The following PSME4 variants were observed in gnomAD, a reference collection of about 807,000 sequenced individuals.
PSME4 encodes the protein proteasome activator subunit 4, also known as proteasome activator complex subunit 4.
In PSME4, 89 loss-of-function variants were observed where a neutral mutation model predicts 253.9. That is an observed-to-expected ratio of 0.35 (90% CI 0.30 to 0.42). PSME4 has a LOEUF of 0.42. Among genes scored for constraint, PSME4 ranks in the 10% least tolerant of loss-of-function variants. The pLI is 1.00. For missense variants in PSME4, 2,014 were observed against 2,195.2 expected, an observed-to-expected ratio of 0.92 and a Z score of 1.65; for synonymous variants, 851 against 759.2, an observed-to-expected ratio of 1.12 and a Z score of -1.99.
At chr2:53,904,756 A>G (rs372827201) in intron 26 of PSME4, among the ~76,000 whole-genome samples, 232 of 152,200 alleles carry the variant, frequency 1.5e-3, no homozygotes, top group African/African-American at 4.7e-3. Context: ...TGGGAGGCTG[A>G]GGTGGGTGGA....
In PSME4 at chr2:53,937,526, T is replaced by C; in HGVS notation, c.560A>G (p.Asp187Gly). 6.2e-7 allele frequency: 1 copy of C among 1,609,632 alleles called. No homozygotes were observed. The highest frequency in any genetic ancestry group is 8.5e-7 in the Non-Finnish European group (1 of 1,178,914). Reference protein sequence around the residue: ...VKSCRPYFPADATAEMLEEWR... With the variant: ...VKSCRPYFPAGATAEMLEEWR... ...TTCTTCTAGCATCTCAGCGGTGGCA[T>C]CTGCTGGAAAATATCTAATAAAAAA... Residue 187 changes from aspartate to glycine, a missense_variant, in exon 5 of 47, where the codon GAT becomes GGT. Asp to Gly is a moderately conservative substitution (Grantham distance 94). Transcript: ENST00000404125.
chr2:53,946,989 T>C (rs1163967299), intron 3 of PSME4, among the ~76,000 whole-genome samples: 1 of 152,190 alleles, frequency 6.6e-6, no homozygotes, highest in African/African-American at 2.4e-5. Flanking sequence ...AAAAGCATAC[T>C]TGCACAATGC....
At chr2:53,966,713 T>G (rs1379944155) in intron 1 of PSME4, among the ~76,000 whole-genome samples, 1 of 152,048 alleles carries the variant, frequency 6.6e-6, no homozygotes, top group Non-Finnish European at 1.5e-5. Flanking sequence ...GTTTTTTTCT[T>G]TGTTGTTGTT....
rs190380018 is a variant in PSME4 at position 53,939,889 on chromosome 2, C to A, written c.545+67G>T. The A allele has an allele frequency of 1.0e-5, 14 of 1,353,480 alleles. No homozygotes were observed. In the African/African-American group the frequency reaches 1.3e-4, roughly 13 times the overall value. 83.8% of individuals were successfully genotyped at this position (1,353,480 alleles called of 1,614,324 possible). Reference sequence around the variant, plus strand: ...TTATACTTTTCATTTCCTTTTCAAACCATACTAAAGATGTGGAAAAGCCCA... The same window carrying A: ...TTATACTTTTCATTTCCTTTTCAAAACATACTAAAGATGTGGAAAAGCCCA... On this transcript the variant is annotated intron_variant, in intron 4 of 46. Coordinates refer to ENST00000404125, the MANE Select transcript of PSME4 (RefSeq NM_014614.3).
At chr2:53,902,850 C>A (rs1680475173) in intron 27 of PSME4, among the ~76,000 whole-genome samples, 1 of 152,174 alleles carries the variant, frequency 6.6e-6, no homozygotes, top group South Asian at 2.1e-4. Context: ...TTTACTTTTA[C>A]AAAAGCAAGC....
rs115072161 is a variant in PSME4, at chr2:53,876,430, C to T, written c.4816-675G>A. 6.7e-3 allele frequency among the ~76,000 whole-genome samples: 1,015 copies of T among 152,204 alleles called. 13 individuals are homozygous for T. Among genetic ancestry groups the T allele is most frequent in the African/African-American group, 0.024 (977 of 41,530 alleles). On this transcript the variant is annotated intron_variant, in intron 41 of 46. Transcript: ENST00000404125. The stretch of plus-strand genomic sequence containing the variant: ...TAAATTGGCTATTAGATGTAAAGGT[C>T]TGACTTTATTGAAGTTTCACTTTTT...
chr2:53,866,847 A>G lies in PSME4; in HGVS notation c.5297T>C (p.Leu1766Pro). The change falls in exon 45 of 47, where the codon CTT becomes CCT. Residue 1766 changes from leucine (L) to proline (P), a missense_variant. Coordinates refer to ENST00000404125, the MANE Select transcript of PSME4 (RefSeq NM_014614.3). ...AGGACTAGAAAGAACACATGCACCA[A>G]GTCCTAGCACCCCAGCATGGCGTTT... ...LVKRHAGVLG[L>P]GACVLSSPYD... 6.2e-7 allele frequency: 1 copy of G among 1,614,176 alleles called. No homozygotes were observed. The highest frequency in any genetic ancestry group is 8.5e-7 in the Non-Finnish European group (1 of 1,180,012).
At chr2:53,958,316 G>T (rs1302089960) in intron 1 of PSME4, among the ~76,000 whole-genome samples, 2 of 151,388 alleles carry the variant, frequency 1.3e-5, no homozygotes, top group African/African-American at 2.4e-5. Flanking sequence ...AGATAGCACC[G>T]CTACACTCCA....
At chr2:53,905,885 C>T (rs994434116) in intron 26 of PSME4, among the ~76,000 whole-genome samples, 5 of 152,044 alleles carry the variant, frequency 3.3e-5, no homozygotes, top group African/African-American at 1.2e-4. Flanking sequence ...ATTTTTTTCA[C>T]ATTTTGAAAC....
Position 53,866,833 on chromosome 2 carries a change from G to T in PSME4, c.5311C>A (p.Leu1771Ile). 2 of 1,614,048 alleles carry T rather than the reference G, an allele frequency of 1.2e-6. No individual in the cohort carries two copies. The highest frequency in any genetic ancestry group is 1.7e-6 in the Non-Finnish European group (2 of 1,179,936). The change falls in exon 45 of 47, where the codon CTT becomes ATT. Residue 1771 changes from leucine to isoleucine, a missense_variant. By Grantham distance (5) the Leu-to-Ile change is conservative. Transcript: ENST00000404125. ...AGVLGLGACV[L>I]SSPYDVPTWM... Reference sequence around the variant, plus strand: ...GTGGGAACATCGTAAGGACTAGAAAGAACACATGCACCAAGTCCTAGCACC... The same window carrying T: ...GTGGGAACATCGTAAGGACTAGAAATAACACATGCACCAAGTCCTAGCACC...
At chr2:53,894,473 T>C (rs554587795) in intron 34 of PSME4, among the ~76,000 whole-genome samples, 1 of 149,600 alleles carries the variant, frequency 6.7e-6, no homozygotes, top group Non-Finnish European at 1.5e-5. Flanking sequence ...GGTTTTGCCA[T>C]GTTGCTCAGG....
At chr2:53,907,476 T>C (rs767337076) in intron 24 of PSME4, among the ~76,000 whole-genome samples, 17 of 152,178 alleles carry the variant, frequency 1.1e-4, no homozygotes, top group Non-Finnish European at 2.2e-4. Flanking sequence ...GGCTGTGTTT[T>C]TCACCTGGAG....
chr2:53,919,384 C>A, intron 19 of PSME4, 138 bp from the exon 20 acceptor site: 1 of 1,183,822 alleles, frequency 8.4e-7, no homozygotes, highest in South Asian at 2.0e-5. Flanking sequence ...AGTTTACCAA[C>A]TTAACAGTGA....
intron 1 of PSME4, among the ~76,000 whole-genome samples, chr2:53,964,572 T>A (rs1670630988): frequency 6.6e-6 from 1 of 152,242 alleles, no homozygotes; most frequent in Non-Finnish European, 1.5e-5. Flanking sequence ...CTTGTCAAGA[T>A]TTCAAGATTC....
At chr2:53,957,865 T>C (rs893565071) in intron 1 of PSME4, among the ~76,000 whole-genome samples, 2 of 152,290 alleles carry the variant, frequency 1.3e-5, no homozygotes, top group Admixed American at 1.3e-4. Context: ...CAAAATATTG[T>C]GTGAGACAAA....
intron 10 of PSME4, among the ~76,000 whole-genome samples, chr2:53,931,170 CAGGAGG>C (rs1053336938): frequency 6.6e-6 from 1 of 152,112 alleles, no homozygotes; most frequent in Non-Finnish European, 1.5e-5. Flanking sequence ...CCCACCTACT[CAGGAGG>C]CTGAGGCAGG....
At position 53,866,871 on chromosome 2, in the gene PSME4, T is replaced by C. The variant is rs765315947; in HGVS notation, c.5273A>G (p.Lys1758Arg). The C allele has an allele frequency of 1.9e-5, 31 of 1,613,742 alleles. No individual in the cohort carries two copies. The highest frequency in any genetic ancestry group is 2.6e-5 in the Non-Finnish European group (31 of 1,179,914). Residue 1758 changes from lysine to arginine, a missense_variant, in exon 45 of 47, where the codon AAA becomes AGA. Transcript: ENST00000404125. ...AAGTCCTAGCACCCCAGCATGGCGTTTGACCAACTCTGCAAAGAGAATAGC... is the reference window on the plus strand; with the variant it reads ...AAGTCCTAGCACCCCAGCATGGCGTCTGACCAACTCTGCAAAGAGAATAGC... Reference protein sequence around the residue: ...GDTIPSAELVKRHAGVLGLGA... With the variant: ...GDTIPSAELVRRHAGVLGLGA...
chr2:53,898,164 T>G (rs1573238420), intron 30 of PSME4, 137 bp downstream of exon 30: 1 of 1,170,902 alleles, frequency 8.5e-7, no homozygotes, highest in Non-Finnish European at 1.2e-6. Context: ...CCATCTCTTT[T>G]CCTCTTAATC....
chr2:53,965,669 T>C (rs1465402091), intron 1 of PSME4, among the ~76,000 whole-genome samples: 4 of 114,964 alleles, frequency 3.5e-5, no homozygotes, highest in Non-Finnish European at 7.4e-5. Flanking sequence ...TGTGTTTTTT[T>C]GTTTTTTTTT....
Sources: allele counts gnomAD v4.1 joint callset (sites outside exome capture counted in the v4.1 genomes callset), GRCh38; gene constraint gnomAD v4.1.1; transcripts MANE v1.5; gene names NCBI Gene and HGNC (gene_info 2026-07-23, HGNC 2026-07-21).